Variants in CNTN5 observed in about 807,000 individuals in gnomAD.
The protein encoded by CNTN5 is contactin 5, also known as contactin-5.
CNTN5 carries 77 observed loss-of-function variants against 129.1 expected under a neutral mutation model. The observed-to-expected ratio is 0.60, with a 90% CI of 0.50 to 0.72. CNTN5 has a LOEUF of 0.72. Among genes scored for constraint, CNTN5 ranks in the 30% least tolerant of loss-of-function variants. The probability of loss-of-function intolerance (pLI) is 0.00; values close to 1 mark genes in which losing one functional copy is unlikely to be tolerated. For missense variants in CNTN5, 1,478 were observed against 1,328.8 expected (o/e 1.11, Z -1.75); for synonymous variants, 509 against 465.6 (o/e 1.09, Z -1.20).
intron 3 of CNTN5, among the ~76,000 whole-genome samples, chr11:99,748,801 C>T (rs1944141920): frequency 6.6e-6 from 1 of 152,172 alleles, no homozygotes; most frequent in African/African-American, 2.4e-5. Context: ...CTGCATGATG[C>T]CCATTTACAC....
At chr11:100,317,780 T>A (rs922165332) in intron 21 of CNTN5, among the ~76,000 whole-genome samples, 2 of 152,170 alleles carry the variant, frequency 1.3e-5, no homozygotes, top group African/African-American at 4.8e-5. Flanking sequence ...TGATTCTAGA[T>A]GCATGGCTTC....
At chr11:99,688,631 A>G (rs1033471372) in intron 3 of CNTN5, among the ~76,000 whole-genome samples, 8 of 152,036 alleles carry the variant, frequency 5.3e-5, no homozygotes, top group Admixed American at 4.6e-4. Flanking sequence ...TAAGTCCAGA[A>G]ATACATTTCC....
At chr11:99,078,015 A>C (rs1865645689) in intron 1 of CNTN5, among the ~76,000 whole-genome samples, 1 of 152,156 alleles carries the variant, frequency 6.6e-6, no homozygotes, top group Admixed American at 6.5e-5. Context: ...CTTAAATGTT[A>C]AGTGTATGTT....
chr11:99,854,474 C>T (rs75015382), intron 6 of CNTN5, among the ~76,000 whole-genome samples: 1,533 of 152,170 alleles, frequency 0.01, 13 homozygotes, highest in Non-Finnish European at 0.014. Context: ...TTGAATTCTC[C>T]CTCTGTGGGA....
intron 8 of CNTN5, among the ~76,000 whole-genome samples, chr11:99,981,225 T>A (rs1020447044): frequency 6.6e-6 from 1 of 151,770 alleles, no homozygotes; most frequent in Non-Finnish European, 1.5e-5. Flanking sequence ...GCTCATAGTG[T>A]GGCTCGATCC....
At chr11:99,328,569 A>G (rs1265807170) in intron 2 of CNTN5, among the ~76,000 whole-genome samples, 1 of 152,086 alleles carries the variant, frequency 6.6e-6, no homozygotes, top group African/African-American at 2.4e-5. Flanking sequence ...TGTTATATGA[A>G]GTATAAAAAT....
At chr11:99,819,324 C>CCTGTT (rs1946702487) in intron 3 of CNTN5, among the ~76,000 whole-genome samples, 3 of 84,816 alleles carry the variant, frequency 3.5e-5, no homozygotes, top group East Asian at 3.7e-4. Context: ...CCTCCCCTCC[C>CCTGTT]CTCCCCTCCC....
chr11:99,579,071 C>G (rs1169451749), intron 3 of CNTN5, among the ~76,000 whole-genome samples: 2 of 152,070 alleles, frequency 1.3e-5, no homozygotes, highest in Non-Finnish European at 2.9e-5. Flanking sequence ...TCCCCAGCAC[C>G]ATTTATTAAA....
intron 3 of CNTN5, among the ~76,000 whole-genome samples, chr11:99,677,043 A>G (rs368893886): frequency 6.6e-6 from 1 of 152,108 alleles, no homozygotes; most frequent in South Asian, 2.1e-4. Flanking sequence ...CTCCTACTCA[A>G]TAACTATTTT....
Position 99,991,294 on chromosome 11 carries a change from C to T in CNTN5, c.878-10740C>T, listed in dbSNP as rs537449673. On this transcript the variant is annotated intron_variant, in intron 8 of 24. Transcript: ENST00000524871. ...CATCCTGACTAACACGGTGAAACCC[C>T]GTCTCTACTAAAAGTACAAAAAATT... Among the ~76,000 whole-genome samples the T allele has an allele frequency of 9.9e-5, 15 of 152,058 alleles. No individual in the cohort carries two copies. In the South Asian group the frequency reaches 1.5e-3, roughly 15 times the overall value.
chr11:100,232,929 C>G (rs1237176312), intron 16 of CNTN5, among the ~76,000 whole-genome samples: 2 of 152,076 alleles, frequency 1.3e-5, no homozygotes, highest in Non-Finnish European at 2.9e-5. Context: ...AATTATTTCA[C>G]TTTATTTAGC....
Position 99,505,288 on chromosome 11 carries a change from A to G in CNTN5, c.-70-50857A>G, listed in dbSNP as rs1285190486. ...AAAGACATGCTGACACAAAGTAGTA[A>G]ATCTCTAATGGTAGAAATTATCTGT... On this transcript the variant is annotated intron_variant, in intron 2 of 24. Coordinates refer to ENST00000524871, the MANE Select transcript of CNTN5 (RefSeq NM_014361.4). Among the ~76,000 whole-genome samples, 3 of 152,214 alleles carry G rather than the reference A, an allele frequency of 2.0e-5. No individual in the cohort carries two copies. The East Asian group carries it at 5.8e-4, about 29-fold the overall frequency.
At chr11:100,004,898 T>C (rs1940096742) in intron 9 of CNTN5, among the ~76,000 whole-genome samples, 1 of 152,186 alleles carries the variant, frequency 6.6e-6, no homozygotes, top group Non-Finnish European at 1.5e-5. Flanking sequence ...TTTTTCCTCT[T>C]GCCTTCTCAT....
chr11:99,908,626 T>C (rs1180589685), intron 6 of CNTN5, among the ~76,000 whole-genome samples: 1 of 152,086 alleles, frequency 6.6e-6, no homozygotes, highest in Non-Finnish European at 1.5e-5. Context: ...ATAGACTATA[T>C]TCACATTAAA....
chr11:99,962,864 A>T (rs1950987307), intron 8 of CNTN5, among the ~76,000 whole-genome samples: 1 of 150,478 alleles, frequency 6.6e-6, no homozygotes, highest in African/African-American at 2.5e-5. Flanking sequence ...CTGGTGTGAG[A>T]TGATATCTCA....
At chr11:99,098,606 G>A (rs1866581692) in intron 1 of CNTN5, among the ~76,000 whole-genome samples, 1 of 152,102 alleles carries the variant, frequency 6.6e-6, no homozygotes, top group Non-Finnish European at 1.5e-5. Flanking sequence ...TCTGAGGGAA[G>A]AAAACGATAG....
intron 2 of CNTN5, among the ~76,000 whole-genome samples, chr11:99,454,317 T>A (rs76188084): frequency 0.054 from 8,252 of 152,254 alleles, 470 homozygotes; most frequent in East Asian, 0.13. Flanking sequence ...TATCTTGAAT[T>A]GTAATCCGTA....
At chr11:100,024,874 G>T (rs1941338700) in intron 9 of CNTN5, among the ~76,000 whole-genome samples, 1 of 152,114 alleles carries the variant, frequency 6.6e-6, no homozygotes, top group African/African-American at 2.4e-5. Flanking sequence ...GTTTGGAATT[G>T]GAACTTATGT....
intron 2 of CNTN5, among the ~76,000 whole-genome samples, chr11:99,512,649 C>A (rs1946883404): frequency 6.6e-6 from 1 of 152,060 alleles, no homozygotes; most frequent in Non-Finnish European, 1.5e-5. Flanking sequence ...TAGTTTCAAG[C>A]TTTTTCATTA....
Sources: gnomAD v4.1 joint callset for allele counts (sites outside exome capture counted in the v4.1 genomes callset) on GRCh38, gnomAD v4.1.1 for gene constraint, MANE v1.5 for transcripts, NCBI Gene and HGNC (gene_info 2026-07-23, HGNC 2026-07-21) for gene names.